GRID2: variants seen among roughly 807,000 people sequenced by gnomAD.
The protein encoded by GRID2 is glutamate receptor ionotropic, delta-2.
Under a neutral mutation model 114.8 loss-of-function variants are expected in GRID2, and 33 were observed. The ratio of observed to expected loss-of-function variants is 0.29; its 90% confidence interval spans 0.22 to 0.38. GRID2 has a LOEUF of 0.38. Ranked by LOEUF, GRID2 falls within the 10% of genes least tolerant of loss-of-function variation. GRID2 has a pLI of 1.00. For synonymous variants in GRID2, 505 were observed against 449.9 expected (o/e 1.12, Z -1.55); for missense variants, 1,184 against 1,257.7 (o/e 0.94, Z 0.89).
chr4:93,514,761 C>T (rs1729539711), intron 12 of GRID2, among the ~76,000 whole-genome samples: 1 of 151,888 alleles, frequency 6.6e-6, no homozygotes, highest in South Asian at 2.1e-4. Flanking sequence ...TACATTTGAC[C>T]TCAAAGCATG....
chr4:92,961,683 A>G (rs534079413), intron 2 of GRID2, among the ~76,000 whole-genome samples: 1 of 151,184 alleles, frequency 6.6e-6, no homozygotes, highest in African/African-American at 2.4e-5. Context: ...CTGTTCTCTG[A>G]GGTTCCTGAA....
At chr4:93,760,596 G>A (rs2110309112) in intron 14 of GRID2, among the ~76,000 whole-genome samples, 1 of 152,290 alleles carries the variant, frequency 6.6e-6, no homozygotes, top group Middle Eastern at 3.4e-3. Flanking sequence ...CTCACCGGCA[G>A]GAGTTAAATG....
intron 4 of GRID2, among the ~76,000 whole-genome samples, chr4:93,198,274 T>C (rs1741705453): frequency 6.6e-6 from 1 of 152,188 alleles, no homozygotes; most frequent in South Asian, 2.1e-4. Flanking sequence ...GTGTGTTTAT[T>C]TGTCTCAGGT....
intron 8 of GRID2, among the ~76,000 whole-genome samples, chr4:93,286,387 A>G (rs1023061421): frequency 6.6e-6 from 1 of 152,154 alleles, no homozygotes; most frequent in Admixed American, 6.5e-5. Flanking sequence ...CCCATGTCCA[A>G]GCTTAGTACT....
chr4:93,299,445 A>T (rs1232738714), intron 8 of GRID2, among the ~76,000 whole-genome samples: 2 of 150,458 alleles, frequency 1.3e-5, no homozygotes, highest in Non-Finnish European at 3.0e-5. Flanking sequence ...AAAAAGTCTT[A>T]GTTGAGTGAT....
chr4:92,957,346 T>C (rs1397404625), intron 2 of GRID2, among the ~76,000 whole-genome samples: 1 of 152,128 alleles, frequency 6.6e-6, no homozygotes, highest in Admixed American at 6.6e-5. Context: ...GTAAGGTTTA[T>C]GTTTAGATTC....
chr4:93,409,033 A>G lies in GRID2; in HGVS notation c.1347+13325A>G, dbSNP rs1412657745. Among the ~76,000 whole-genome samples, 3 of 152,160 alleles carry G rather than the reference A, an allele frequency of 2.0e-5. No homozygotes were observed. In the East Asian group the frequency reaches 5.8e-4, roughly 29 times the overall value. ...CAAAGGGTATAGAGTAGGGGTAGCA[A>G]AATAATTATGTACCTTGTTCTCTCC... On this transcript the variant is annotated intron_variant, in intron 9 of 15. Transcript: ENST00000282020.
At chr4:93,452,864 G>A (rs1722813476) in intron 10 of GRID2, among the ~76,000 whole-genome samples, 1 of 151,342 alleles carries the variant, frequency 6.6e-6, no homozygotes, top group South Asian at 2.1e-4. Flanking sequence ...TTTTAGAACT[G>A]TCTTTCTGAA....
At position 93,772,171 on chromosome 4, in the gene GRID2, A is replaced by T; in HGVS notation, c.2697A>T (p.Ser899=). The change falls in exon 16 of 16, where the codon TCA becomes TCT. Residue 899 remains serine (S), a synonymous_variant. Transcript: ENST00000282020. The part of the protein sequence containing the change: ...DSPHKQFSTS[S]IDLTPLDIDT... ...CCCATAAACAGTTTTCCACCTCGTC[A>T]ATTGATTTGACCCCTCTGGACATTG... 6.2e-7 allele frequency: 1 copy of T among 1,613,910 alleles called. No homozygotes were observed. Among genetic ancestry groups the T allele is most frequent in the South Asian group, 1.1e-5 (1 of 91,076 alleles).
At chr4:92,981,310 T>C (rs1411130668) in intron 2 of GRID2, among the ~76,000 whole-genome samples, 2 of 152,102 alleles carry the variant, frequency 1.3e-5, no homozygotes, top group Non-Finnish European at 2.9e-5. Context: ...CCAAAGTCAC[T>C]GATGTAAACA....
chr4:93,692,202 A>AT (rs1726626733), intron 14 of GRID2, among the ~76,000 whole-genome samples: 1 of 151,278 alleles, frequency 6.6e-6, no homozygotes, highest in Non-Finnish European at 1.5e-5. Context: ...TGAGATAAAA[A>AT]TTGGGGGGGT....
intron 2 of GRID2, among the ~76,000 whole-genome samples, chr4:92,783,806 A>C (rs1560589738): frequency 6.6e-6 from 1 of 151,966 alleles, no homozygotes; most frequent in Non-Finnish European, 1.5e-5. Context: ...GGGTTGCTTT[A>C]GCCCAGGAAT....
chr4:92,824,527 A>C (rs1741552113), intron 2 of GRID2, among the ~76,000 whole-genome samples: 2 of 152,042 alleles, frequency 1.3e-5, no homozygotes, highest in African/African-American at 2.4e-5. Context: ...TTCTGAAAAT[A>C]AACTTTTATT....
At chr4:93,291,765 G>A (rs930410213) in intron 8 of GRID2, among the ~76,000 whole-genome samples, 4 of 152,044 alleles carry the variant, frequency 2.6e-5, no homozygotes, top group South Asian at 2.1e-4. Flanking sequence ...GTGTGTGCAC[G>A]TGTTTTCTTT....
intron 1 of GRID2, among the ~76,000 whole-genome samples, chr4:92,432,207 T>C (rs1732493996): frequency 1.3e-5 from 2 of 152,132 alleles, no homozygotes; most frequent in African/African-American, 4.8e-5. Context: ...GCCAACACAG[T>C]ATTGGGTCTC....
chr4:93,626,134 T>C, intron 13 of GRID2, 135 bp from the exon 14 acceptor site: 1 of 568,098 alleles, frequency 1.8e-6, no homozygotes. Context: ...CAACAGATAC[T>C]GAAGGATGAT....
intron 1 of GRID2, among the ~76,000 whole-genome samples, chr4:92,500,460 T>TA (rs1459507350): frequency 6.6e-6 from 1 of 152,192 alleles, no homozygotes; most frequent in Non-Finnish European, 1.5e-5. Flanking sequence ...TAGGTGGACT[T>TA]AAGTGAAATT....
At chr4:93,591,885 G>A (rs189884589) in intron 13 of GRID2, among the ~76,000 whole-genome samples, 1 of 152,128 alleles carries the variant, frequency 6.6e-6, no homozygotes, top group African/African-American at 2.4e-5. Flanking sequence ...TTGTATTTCT[G>A]TGGGATCGGT....
intron 1 of GRID2, among the ~76,000 whole-genome samples, chr4:93,802,346 C>T (rs925267144): frequency 6.6e-6 from 1 of 152,046 alleles, no homozygotes. Flanking sequence ...AAACCACCCA[C>T]TGCCATTGAC....
Sources: gnomAD v4.1 joint callset for allele counts (sites outside exome capture counted in the v4.1 genomes callset) on GRCh38, gnomAD v4.1.1 for gene constraint, MANE v1.5 for transcripts, NCBI Gene and HGNC (gene_info 2026-07-23, HGNC 2026-07-21) for gene names.